Variants in FAM171A1 observed in about 807,000 individuals in gnomAD.
FAM171A1 encodes family with sequence similarity 171 member A1, also known as protein FAM171A1.
In FAM171A1, 23 loss-of-function variants were observed where a neutral mutation model predicts 74.9. The observed-to-expected ratio is 0.31, with a 90% CI of 0.22 to 0.44. The LOEUF (loss-of-function observed/expected upper bound fraction) is 0.44. Ranked by LOEUF, FAM171A1 falls within the 20% of genes least tolerant of loss-of-function variation. FAM171A1 has a pLI of 1.00. For synonymous variants in FAM171A1, 527 were observed against 505.7 expected (o/e 1.04, Z -0.57); for missense variants, 1,162 against 1,159.2 (o/e 1.00, Z -0.03).
At position 15,284,079 on chromosome 10, in the gene FAM171A1, C is replaced by T. The variant is rs754893646; in HGVS notation, c.124G>A (p.Asp42Asn). The T allele has an allele frequency of 5.6e-6, 9 of 1,613,592 alleles. No homozygotes were observed. The highest frequency in any genetic ancestry group is 2.2e-5 in the South Asian group (2 of 91,060). The stretch of plus-strand genomic sequence containing the variant: ...GCTACGGGCTGGTGGGTGCTGGCGT[C>T]GCTGATGTGCACCTTTAACGTCACC... ...QEVTLKVHIS[D>N]ASTHQPVADA... The change falls in exon 2 of 8, where the codon GAC (aspartate) becomes AAC (asparagine). Residue 42 changes from aspartate to asparagine, a missense_variant. Transcript: ENST00000378116.
chr10:15,297,138 A>C (rs1306148859), intron 1 of FAM171A1, among the ~76,000 whole-genome samples: 7 of 151,592 alleles, frequency 4.6e-5, no homozygotes, highest in African/African-American at 1.7e-4. Context: ...GCTCACTGCA[A>C]CCTCTGCCTC....
intron 4 of FAM171A1, among the ~76,000 whole-genome samples, chr10:15,250,479 TG>T (rs569918963): frequency 1.9e-3 from 294 of 152,362 alleles, no homozygotes; most frequent in Non-Finnish European, 3.6e-3. Flanking sequence ...ACAGAAAAGC[TG>T]GCCAGGCGCA....
chr10:15,336,952 TG>T (rs1835707952), intron 1 of FAM171A1, among the ~76,000 whole-genome samples: 1 of 151,982 alleles, frequency 6.6e-6, no homozygotes, highest in South Asian at 2.1e-4. Flanking sequence ...CTGAGTACAG[TG>T]GTGTGATCAC....
intron 1 of FAM171A1, among the ~76,000 whole-genome samples, chr10:15,289,243 C>T (rs1835075456): frequency 6.6e-6 from 1 of 152,178 alleles, no homozygotes; most frequent in South Asian, 2.1e-4. Flanking sequence ...GGGCAGCTGT[C>T]ATCTGACTAG....
intron 1 of FAM171A1, among the ~76,000 whole-genome samples, chr10:15,310,408 G>A (rs1230868924): frequency 2.0e-5 from 3 of 152,184 alleles, no homozygotes; most frequent in Admixed American, 6.5e-5. Flanking sequence ...AAATGGCAGA[G>A]CTGAGATGCA....
intron 6 of FAM171A1, among the ~76,000 whole-genome samples, chr10:15,217,927 G>C (rs1030239601): frequency 6.6e-6 from 1 of 152,016 alleles, no homozygotes; most frequent in African/African-American, 2.4e-5. Context: ...CACCGCACCC[G>C]GCCCAGAGAA....
At chr10:15,316,263 G>A (rs1484517817) in intron 1 of FAM171A1, among the ~76,000 whole-genome samples, 1 of 152,212 alleles carries the variant, frequency 6.6e-6, no homozygotes, top group Non-Finnish European at 1.5e-5. Context: ...TTGCTGAGCA[G>A]CTGTATTTTC....
chr10:15,242,868 A>G (rs1354887461), intron 5 of FAM171A1, among the ~76,000 whole-genome samples: 1 of 152,180 alleles, frequency 6.6e-6, no homozygotes, highest in African/African-American at 2.4e-5. Context: ...TTTTTCAGAG[A>G]GGAAACAGAG....
At chr10:15,301,639 T>C (rs944064132) in intron 1 of FAM171A1, among the ~76,000 whole-genome samples, 1 of 152,206 alleles carries the variant, frequency 6.6e-6, no homozygotes, top group Admixed American at 6.5e-5. Flanking sequence ...TCCTATAAAG[T>C]AAGCTGTTGC....
rs932508667 is a variant in FAM171A1 at position 15,283,820 on chromosome 10, T to C, written c.325+58A>G. ...AGCTGGTTTCAGACTCCTGGCCTTATGCGATCCTCCCACCAGCCAATGCCC... is the reference window on the plus strand; with the variant it reads ...AGCTGGTTTCAGACTCCTGGCCTTACGCGATCCTCCCACCAGCCAATGCCC... On this transcript the variant is annotated intron_variant, in intron 2 of 7. Coordinates refer to ENST00000378116, the MANE Select transcript of FAM171A1 (RefSeq NM_001010924.2). The C allele has an allele frequency of 7.1e-6, 11 of 1,556,558 alleles. No homozygotes were observed. In the South Asian group the frequency reaches 1.1e-4, roughly 16 times the overall value.
At chr10:15,328,439 G>A (rs186461751) in intron 1 of FAM171A1, among the ~76,000 whole-genome samples, 88 of 151,002 alleles carry the variant, frequency 5.8e-4, no homozygotes, top group Non-Finnish European at 8.5e-4. Context: ...GAACCACGGC[G>A]CCTGGCCTGT....
In FAM171A1 at chr10:15,268,506, CG is replaced by C. The variant is rs372611924; in HGVS notation, c.418+7348del. Among the ~76,000 whole-genome samples the C allele has an allele frequency of 3.0e-3, 454 of 152,016 alleles. 4 individuals are homozygous for C. The highest frequency in any genetic ancestry group is 0.01 in the African/African-American group (431 of 41,442). On this transcript the variant is annotated intron_variant, in intron 3 of 7. Coordinates refer to ENST00000378116, the MANE Select transcript of FAM171A1 (RefSeq NM_001010924.2). Reference sequence around the variant, plus strand: ...AGGTAGACGTTTATACCATTGATCACGGGAAGGCCAAAAATATCAAGCTCTA... The same window carrying C: ...AGGTAGACGTTTATACCATTGATCACGGAAGGCCAAAAATATCAAGCTCTA...
At chr10:15,222,240 C>T (rs746271922) in intron 5 of FAM171A1, among the ~76,000 whole-genome samples, 1 of 152,214 alleles carries the variant, frequency 6.6e-6, no homozygotes, top group Non-Finnish European at 1.5e-5. Flanking sequence ...CCTAAATAGA[C>T]CAGCTGTGCA....
At chr10:15,307,923 C>T (rs1487859097) in intron 1 of FAM171A1, among the ~76,000 whole-genome samples, 1 of 151,912 alleles carries the variant, frequency 6.6e-6, no homozygotes, top group Non-Finnish European at 1.5e-5. Context: ...CCTACCTCAG[C>T]CTCCCAGGTA....
At chr10:15,239,734 C>T (rs1440752939) in intron 5 of FAM171A1, among the ~76,000 whole-genome samples, 3 of 152,220 alleles carry the variant, frequency 2.0e-5, no homozygotes, top group African/African-American at 2.4e-5. Flanking sequence ...TGCTCCTTCG[C>T]TCTACGAATC....
Position 15,337,720 on chromosome 10 carries a change from G to A in FAM171A1, c.97+33236C>T, listed in dbSNP as rs187611357. Among the ~76,000 whole-genome samples the A allele has an allele frequency of 7.0e-4, 107 of 152,332 alleles. No homozygotes were observed. In the East Asian group the frequency reaches 0.019, roughly 27 times the overall value. ...TCCCAGCACTTTGAGAGGCAGAGGC[G>A]AGCGGATCACTTGAGATCGGGAATT... On this transcript the variant is annotated intron_variant, in intron 1 of 7. Transcript: ENST00000378116.
chr10:15,331,880 C>CATATATATATATAT (rs71390031), intron 1 of FAM171A1, among the ~76,000 whole-genome samples: 4 of 59,676 alleles, frequency 6.7e-5, no homozygotes, highest in African/African-American at 2.5e-4. Context: ...TGTGTGTATA[C>CATATATATATATAT]ATATATATAT....
At chr10:15,325,389 T>C (rs867576354) in intron 1 of FAM171A1, among the ~76,000 whole-genome samples, 1 of 152,136 alleles carries the variant, frequency 6.6e-6, no homozygotes, top group South Asian at 2.1e-4. Flanking sequence ...TAGTCTGTAG[T>C]CCCAGCTGCT....
At chr10:15,364,055 G>C (rs554822152) in intron 1 of FAM171A1, among the ~76,000 whole-genome samples, 3 of 151,946 alleles carry the variant, frequency 2.0e-5, no homozygotes, top group East Asian at 1.9e-4. Context: ...GGTGGAGGGT[G>C]GGGGGGCGGT....
Sources: allele counts gnomAD v4.1 joint callset (sites outside exome capture counted in the v4.1 genomes callset), GRCh38; gene constraint gnomAD v4.1.1; transcripts MANE v1.5; gene names NCBI Gene and HGNC (gene_info 2026-07-23, HGNC 2026-07-21).